The following ESR1 variants were observed in gnomAD, a reference collection of about 807,000 sequenced individuals.
The protein encoded by ESR1 is estrogen receptor.
Under a neutral mutation model 52.7 loss-of-function variants are expected in ESR1, and 12 were observed. That is an observed-to-expected ratio of 0.23 (90% CI 0.15 to 0.37). The LOEUF (loss-of-function observed/expected upper bound fraction) is 0.37. ESR1 is among the 10% of genes least tolerant of loss of function. The pLI, the probability that ESR1 is intolerant of heterozygous loss-of-function variation, is 1.00. For synonymous variants in ESR1, 305 were observed against 316.8 expected, an observed-to-expected ratio of 0.96 and a Z score of 0.39; for missense variants, 584 against 779.7, an observed-to-expected ratio of 0.75 and a Z score of 2.99.
intron 1 of ESR1, among the ~76,000 whole-genome samples, chr6:151,811,473 C>T (rs1190262940): frequency 1.3e-5 from 2 of 152,164 alleles, no homozygotes; most frequent in African/African-American, 4.8e-5. Context: ...AAAAGTTAGA[C>T]GTCTCTCACT....
intron 2 of ESR1, among the ~76,000 whole-genome samples, chr6:151,789,041 A>G (rs1057273405): frequency 6.6e-6 from 1 of 152,204 alleles, no homozygotes; most frequent in African/African-American, 2.4e-5. Flanking sequence ...AATCTGTACA[A>G]CAAACCCCCA....
chr6:152,073,799 C>T (rs11965894), intron 6 of ESR1, among the ~76,000 whole-genome samples: 2,311 of 152,256 alleles, frequency 0.015, 55 homozygotes, highest in African/African-American at 0.053. Context: ...TCCAGGCTAG[C>T]GGCCCCGCCT....
rs34387307 is a variant in ESR1, at chr6:151,812,968, C to CAAA, written c.452+4615_452+4617dup. 5.1e-4 allele frequency among the ~76,000 whole-genome samples: 73 copies of CAAA among 142,174 alleles called. 1 individual carries two copies. Among genetic ancestry groups the CAAA allele is most frequent in the African/African-American group, 1.7e-3 (66 of 39,280 alleles). The allele number at this position is 142,174 out of a possible 152,430, so 93.3% of individuals were successfully genotyped here. ...GTGAATTGACGTGTAATGTCACTTA[C>CAAA]AAAAAAAAAAAAAGTATGTCTGAGC... is the stretch of plus-strand genomic sequence containing the variant. On this transcript the variant is annotated intron_variant, in intron 1 of 7. Coordinates refer to ENST00000206249, the MANE Select transcript of ESR1 (RefSeq NM_000125.4).
intron 5 of ESR1, among the ~76,000 whole-genome samples, chr6:152,037,436 C>G (rs554938285): frequency 1.3e-5 from 2 of 152,304 alleles, no homozygotes; most frequent in Non-Finnish European, 2.9e-5. Flanking sequence ...GAAAGGTTCA[C>G]CAGGCCTCTG....
At chr6:151,683,864 AT>A (rs66983259) in intron 1 of ESR1, among the ~76,000 whole-genome samples, 17,219 of 118,378 alleles carry the variant, frequency 0.15, 1,599 homozygotes, top group East Asian at 0.63. Flanking sequence ...ACGTCTGGCT[AT>A]TTTTTTTTTT....
At chr6:151,880,181 G>GTTTTTTTTTTTTTTTTTTTTTTTTT (rs71017515) in intron 2 of ESR1, among the ~76,000 whole-genome samples, 1 of 116,356 alleles carries the variant, frequency 8.6e-6, no homozygotes. Context: ...TTTTTGTTCT[G>GTTTTTTTTTTTTTTTTTTTTTTTTT]TTTTTTTTTT....
intron 4 of ESR1, among the ~76,000 whole-genome samples, chr6:151,989,157 ACT>A (rs1323057734): frequency 1.3e-5 from 2 of 152,254 alleles, no homozygotes; most frequent in East Asian, 3.9e-4. Flanking sequence ...TTATTTGATT[ACT>A]GTTTTATCTG....
At position 151,717,021 on chromosome 6, in the gene ESR1, T is replaced by C. The variant is rs2347638; in HGVS notation, c.-71+15016T>C. 7.2e-5 allele frequency among the ~76,000 whole-genome samples: 11 copies of C among 152,254 alleles called. No individual in the cohort carries two copies. In the East Asian group the frequency reaches 1.5e-3, roughly 21 times the overall value. ...AAGGGAATCTCCTGGTCTGTGTGTT[T>C]CAAAGACCATGGGAAAAGTGTAGTA... On this transcript the variant is annotated intron_variant, in intron 2 of 2. Transcript: ENST00000404742.
chr6:151,738,588 C>G (rs1337292822), intron 2 of ESR1, among the ~76,000 whole-genome samples: 1 of 152,090 alleles, frequency 6.6e-6, no homozygotes, highest in Non-Finnish European at 1.5e-5. Context: ...ATCAATTGTT[C>G]TGAACATAAC....
chr6:152,080,714 G>T (rs1019957832), intron 6 of ESR1, among the ~76,000 whole-genome samples: 1 of 152,100 alleles, frequency 6.6e-6, no homozygotes, highest in African/African-American at 2.4e-5. Context: ...CTGGCAAATT[G>T]GATAAAGAGT....
chr6:152,005,688 T>G (rs568635440), intron 4 of ESR1, among the ~76,000 whole-genome samples: 1 of 152,140 alleles, frequency 6.6e-6, no homozygotes, highest in African/African-American at 2.4e-5. Flanking sequence ...CCATCTGCAT[T>G]TTACAGACAG....
chr6:151,959,418 A>C (rs3798759), intron 4 of ESR1, among the ~76,000 whole-genome samples: 43,044 of 152,104 alleles, frequency 0.28, 8,836 homozygotes, highest in African/African-American at 0.58. Context: ...TTTTCCTTTT[A>C]AAAAAAGTTT....
intron 4 of ESR1, among the ~76,000 whole-genome samples, chr6:151,945,903 C>T (rs2035647062): frequency 6.6e-6 from 1 of 152,046 alleles, no homozygotes. Flanking sequence ...TTAGAGGCCA[C>T]CATTTTGGTG....
chr6:152,029,922 A>G (rs538745761), intron 5 of ESR1, among the ~76,000 whole-genome samples: 15 of 152,362 alleles, frequency 9.8e-5, no homozygotes, highest in African/African-American at 3.6e-4. Context: ...AGGGAAGCCC[A>G]TCAGACTAAC....
chr6:151,949,561 C>T (rs965304807), intron 4 of ESR1, among the ~76,000 whole-genome samples: 2 of 152,238 alleles, frequency 1.3e-5, no homozygotes, highest in African/African-American at 4.8e-5. Context: ...CAAGATTTGC[C>T]ATTTAGATTT....
intron 2 of ESR1, among the ~76,000 whole-genome samples, chr6:151,709,642 C>T (rs1236413842): frequency 6.6e-6 from 1 of 152,048 alleles, no homozygotes; most frequent in Non-Finnish European, 1.5e-5. Context: ...TTGTCCTTTT[C>T]ATAATACCCA....
intron 2 of ESR1, among the ~76,000 whole-genome samples, chr6:151,794,030 C>T (rs530972096): frequency 6.6e-6 from 1 of 152,134 alleles, no homozygotes; most frequent in African/African-American, 2.4e-5. Flanking sequence ...CTAAAAAAAT[C>T]GTGATCGAGT....
In ESR1 at chr6:151,807,747, C is replaced by A; in HGVS notation, c.-166C>A. 1 of 723,478 alleles carries A rather than the reference C, an allele frequency of 1.4e-6. No homozygotes were observed. The highest frequency in any genetic ancestry group is 2.4e-6 in the Non-Finnish European group (1 of 418,348). 44.8% of individuals were successfully genotyped at this position (723,478 alleles called of 1,614,324 possible). Reference sequence around the variant, plus strand: ...CGTCGGGTCGCCCGGCTTCACCGGACCCGCAGGCTCCCGGGGCAGGGCCGG... The same window carrying A: ...CGTCGGGTCGCCCGGCTTCACCGGAACCGCAGGCTCCCGGGGCAGGGCCGG... On this transcript the variant is annotated 5_prime_UTR_variant, in exon 1 of 8. Transcript: ENST00000206249.
intron 2 of ESR1, among the ~76,000 whole-genome samples, chr6:151,796,692 CA>C (rs1776746631): frequency 6.6e-6 from 1 of 152,146 alleles, no homozygotes; most frequent in African/African-American, 2.4e-5. Flanking sequence ...TTGCACCAAC[CA>C]AATACCTTAC....
Sources: gnomAD v4.1 joint callset for allele counts (sites outside exome capture counted in the v4.1 genomes callset) on GRCh38, gnomAD v4.1.1 for gene constraint, MANE v1.5 for transcripts, NCBI Gene and HGNC (gene_info 2026-07-23, HGNC 2026-07-21) for gene names.